The following TAFA5 variants were observed in gnomAD, a reference collection of about 807,000 sequenced individuals.
The protein encoded by TAFA5 is chemokine-like protein TAFA-5.
TAFA5 carries 6 observed loss-of-function variants against 15.3 expected under a neutral mutation model. That is an observed-to-expected ratio of 0.39 (90% CI 0.21 to 0.77). TAFA5 has a LOEUF of 0.77. Among genes scored for constraint, TAFA5 ranks in the 30% least tolerant of loss-of-function variants. TAFA5 has a pLI of 0.41. For synonymous variants in TAFA5, 103 were observed against 80.7 expected (o/e 1.28, Z -1.48); for missense variants, 161 against 193.1 (o/e 0.83, Z 0.98).
At chr22:48,542,938 G>A (rs1049364792) in intron 1 of TAFA5, among the ~76,000 whole-genome samples, 2 of 150,966 alleles carry the variant, frequency 1.3e-5, no homozygotes, top group African/African-American at 2.4e-5. Context: ...ACTGTCTGGG[G>A]TGTATAGTCT....
chr22:48,538,633 G>A (rs1217208523), intron 1 of TAFA5, among the ~76,000 whole-genome samples: 10 of 152,306 alleles, frequency 6.6e-5, no homozygotes, highest in South Asian at 4.1e-4. Context: ...TCCGGGCCGC[G>A]GTGGGCTCAG....
intron 1 of TAFA5, among the ~76,000 whole-genome samples, chr22:48,502,720 C>T (rs554437462): frequency 1.3e-5 from 2 of 152,050 alleles, no homozygotes; most frequent in African/African-American, 4.8e-5. Context: ...CGTGGTTTTG[C>T]CATGTTGGCC....
intron 2 of TAFA5, among the ~76,000 whole-genome samples, chr22:48,660,669 C>A (rs6010568): frequency 0.46 from 69,719 of 152,130 alleles, 16,341 homozygotes; most frequent in South Asian, 0.61. Context: ...ACTGGAGCTG[C>A]GGAGGGTGTG....
At chr22:48,644,555 G>A (rs6010557) in intron 1 of TAFA5, among the ~76,000 whole-genome samples, 3,714 of 152,316 alleles carry the variant, frequency 0.024, 136 homozygotes, top group African/African-American at 0.084. Context: ...AGTCTGAGCC[G>A]TGTTGGGTGT....
intron 1 of TAFA5, among the ~76,000 whole-genome samples, chr22:48,623,447 C>G (rs13057130): frequency 7.2e-6 from 1 of 138,370 alleles, no homozygotes; most frequent in African/African-American, 2.6e-5. Flanking sequence ...TGCTGCGTGG[C>G]CCTGCGCGGT....
chr22:48,634,143 CATTT>C (rs1163818647), intron 1 of TAFA5, among the ~76,000 whole-genome samples: 2 of 151,938 alleles, frequency 1.3e-5, no homozygotes, highest in South Asian at 2.1e-4. Context: ...CTCACTCACT[CATTT>C]ATTCACTCAC....
At chr22:48,556,705 C>T (rs1322539560) in intron 1 of TAFA5, among the ~76,000 whole-genome samples, 3 of 152,166 alleles carry the variant, frequency 2.0e-5, no homozygotes, top group Non-Finnish European at 4.4e-5. Context: ...CAGTCCGACC[C>T]GAGAGGGAGT....
At chr22:48,724,500 G>A (rs1009650416) in intron 3 of TAFA5, among the ~76,000 whole-genome samples, 1 of 152,186 alleles carries the variant, frequency 6.6e-6, no homozygotes, top group African/African-American at 2.4e-5. Flanking sequence ...GTGGCTTTCT[G>A]GATTAATGCA....
intron 1 of TAFA5, among the ~76,000 whole-genome samples, chr22:48,522,141 C>T (rs550448298): frequency 5.3e-5 from 8 of 152,252 alleles, no homozygotes; most frequent in South Asian, 4.1e-4. Flanking sequence ...TTTTTTCCCA[C>T]GTAGAAGCTG....
At chr22:48,666,488 C>CCAATACTGAGGCCTGTGACCAAG (rs369391536) in intron 2 of TAFA5, among the ~76,000 whole-genome samples, 13 of 56,358 alleles carry the variant, frequency 2.3e-4, no homozygotes, top group Middle Eastern at 0.01. Context: ...AATTGATGAG[C>CCAATACTGAGGCCTGTGACCAAG]CAATACTGAG....
rs115725250 is a variant in TAFA5, at chr22:48,744,525, C to G, written c.391-5314C>G. ...CCGGGTCCCAGTCAAGTTGTAGAGC[C>G]CCCACTGATTCCCTCAGCCCTGCAG... On this transcript the variant is annotated intron_variant, in intron 3 of 3. Coordinates refer to ENST00000402357, the MANE Select transcript of TAFA5 (RefSeq NM_001082967.3). 5.6e-3 allele frequency among the ~76,000 whole-genome samples: 854 copies of G among 152,240 alleles called. 8 individuals are homozygous for G. The highest frequency in any genetic ancestry group is 0.019 in the African/African-American group (800 of 41,556).
chr22:48,515,878 T>C (rs1049898084), intron 1 of TAFA5, among the ~76,000 whole-genome samples: 2 of 149,664 alleles, frequency 1.3e-5, no homozygotes, highest in Admixed American at 6.7e-5. Context: ...CACTGCTGGC[T>C]CCCCCAGGGG....
intron 2 of TAFA5, among the ~76,000 whole-genome samples, chr22:48,672,861 T>C (rs1239052269): frequency 2.0e-5 from 3 of 152,186 alleles, no homozygotes; most frequent in Admixed American, 2.0e-4. Context: ...TTATTCTCCA[T>C]TGGAAATAGA....
chr22:48,664,240 A>G (rs186177714), intron 2 of TAFA5, among the ~76,000 whole-genome samples: 1 of 152,298 alleles, frequency 6.6e-6, no homozygotes, highest in East Asian at 1.9e-4. Flanking sequence ...CTGGGGGTGT[A>G]TCACTTGTGA....
chr22:48,690,700 A>C (rs1928512964), intron 2 of TAFA5, among the ~76,000 whole-genome samples: 1 of 152,192 alleles, frequency 6.6e-6, no homozygotes, highest in Non-Finnish European at 1.5e-5. Flanking sequence ...GGACTGATGT[A>C]ATCAGAGCTC....
At chr22:48,711,647 C>T (rs1254825182) in intron 3 of TAFA5, among the ~76,000 whole-genome samples, 1 of 152,218 alleles carries the variant, frequency 6.6e-6, no homozygotes, top group Non-Finnish European at 1.5e-5. Context: ...TCACACTTTA[C>T]CATAAATTGG....
At chr22:48,615,599 C>T (rs1043636427) in intron 1 of TAFA5, among the ~76,000 whole-genome samples, 4 of 152,222 alleles carry the variant, frequency 2.6e-5, no homozygotes, top group Non-Finnish European at 5.9e-5. Flanking sequence ...GATTCTCCTG[C>T]GGTTTATGAG....
intron 1 of TAFA5, among the ~76,000 whole-genome samples, chr22:48,535,100 C>T (rs552291654): frequency 6.6e-6 from 1 of 152,296 alleles, no homozygotes; most frequent in East Asian, 1.9e-4. Context: ...TGGGGCCTCT[C>T]ACCCTGGGAT....
At chr22:48,575,075 T>G (rs1276893494) in intron 1 of TAFA5, among the ~76,000 whole-genome samples, 4 of 152,126 alleles carry the variant, frequency 2.6e-5, no homozygotes, top group South Asian at 2.1e-4. Flanking sequence ...ACCAGCCTCC[T>G]CCGAGCCCTC....
Sources: allele counts gnomAD v4.1 joint callset (sites outside exome capture counted in the v4.1 genomes callset), GRCh38; gene constraint gnomAD v4.1.1; transcripts MANE v1.5; gene names NCBI Gene and HGNC (gene_info 2026-07-23, HGNC 2026-07-21).